The following ADGRL2 variants were observed in gnomAD, a reference collection of about 807,000 sequenced individuals.
The protein encoded by ADGRL2 is adhesion G protein-coupled receptor L2, also known as calcium-independent alpha-latrotoxin receptor 2.
A neutral mutation model predicts 157.4 loss-of-function variants in ADGRL2; 44 were observed. The observed-to-expected ratio is 0.28, with a 90% CI of 0.22 to 0.36. The LOEUF is 0.36. Among genes scored for constraint, ADGRL2 ranks in the 10% least tolerant of loss-of-function variants. ADGRL2 has a pLI of 1.00. For synonymous variants in ADGRL2, 585 were observed against 624.7 expected (o/e 0.94, Z 0.95); for missense variants, 1,510 against 1,768.9 (o/e 0.85, Z 2.63).
At chr1:81,786,315 C>T (rs981992055) in intron 2 of ADGRL2, among the ~76,000 whole-genome samples, 6 of 152,142 alleles carry the variant, frequency 3.9e-5, no homozygotes, top group South Asian at 2.1e-4. Context: ...CAATGGCTCA[C>T]GCCAATAATC....
At chr1:81,596,436 A>ACAT in intron 3 of ADGRL2, 2 of 459,778 alleles carry the variant, frequency 4.3e-6, no homozygotes, top group Non-Finnish European at 8.5e-6. Context: ...GCAGCTCGTT[A>ACAT]GAGTGATTCG....
At chr1:81,855,554 C>CT (rs1038832954) in intron 2 of ADGRL2, among the ~76,000 whole-genome samples, 4 of 150,722 alleles carry the variant, frequency 2.7e-5, no homozygotes, top group African/African-American at 7.4e-5. Flanking sequence ...TTTTCTTTTT[C>CT]TTTTTTTTAC....
chr1:81,709,105 A>T (rs1311718826), intron 1 of ADGRL2, among the ~76,000 whole-genome samples: 1 of 152,178 alleles, frequency 6.6e-6, no homozygotes, highest in East Asian at 1.9e-4. Flanking sequence ...TTCTAAAAAG[A>T]AAAACTAAAA....
chr1:81,623,658 A>C (rs2081846127), intron 3 of ADGRL2, among the ~76,000 whole-genome samples: 1 of 127,642 alleles, frequency 7.8e-6, no homozygotes, highest in Non-Finnish European at 1.6e-5. Context: ...TTTTTTTGAG[A>C]CAGAGTCTTG....
At chr1:81,442,059 C>T (rs1023203762) in intron 1 of ADGRL2, among the ~76,000 whole-genome samples, 1 of 152,136 alleles carries the variant, frequency 6.6e-6, no homozygotes, top group African/African-American at 2.4e-5. Flanking sequence ...GTCTCTGACT[C>T]CTGGGCTCAA....
chr1:81,396,739 TATTAAG>T (rs1201736862), intron 1 of ADGRL2, among the ~76,000 whole-genome samples: 1 of 152,188 alleles, frequency 6.6e-6, no homozygotes, highest in Non-Finnish European at 1.5e-5. Flanking sequence ...TTTCTTCATC[TATTAAG>T]ATTATTTATC....
At chr1:81,475,047 C>T (rs1271474071) in intron 2 of ADGRL2, among the ~76,000 whole-genome samples, 2 of 152,176 alleles carry the variant, frequency 1.3e-5, no homozygotes, top group Non-Finnish European at 2.9e-5. Flanking sequence ...CATCACAATT[C>T]GTTCCTTAGG....
chr1:81,721,168 C>T (rs59563342), intron 1 of ADGRL2, among the ~76,000 whole-genome samples: 2,560 of 150,480 alleles, frequency 0.017, 71 homozygotes, highest in African/African-American at 0.06. Flanking sequence ...CACCGCACCC[C>T]GCCAGATTTA....
rs554231864 is a variant in ADGRL2 at position 81,765,090 on chromosome 1, T to G, written c.-101+3238T>G. Among the ~76,000 whole-genome samples the G allele has an allele frequency of 6.6e-5, 10 of 152,152 alleles. No homozygotes were observed. The South Asian group carries it at 2.1e-3, about 32-fold the overall frequency. On this transcript the variant is annotated intron_variant, in intron 2 of 20. Transcript: ENST00000359929. Reference sequence around the variant, plus strand: ...ACCAAAAAATTTAACCTTAATTTTTTCACTTTACTCTGAATGAGATAACAT... The same window carrying G: ...ACCAAAAAATTTAACCTTAATTTTTGCACTTTACTCTGAATGAGATAACAT...
chr1:81,477,512 C>T (rs555218490), intron 2 of ADGRL2, among the ~76,000 whole-genome samples: 25 of 152,288 alleles, frequency 1.6e-4, no homozygotes, highest in East Asian at 7.7e-4. Flanking sequence ...GGCAAAGTGA[C>T]GGCTTCCAAC....
intron 3 of ADGRL2, among the ~76,000 whole-genome samples, chr1:81,909,679 T>A (rs2094666217): frequency 6.6e-6 from 1 of 152,066 alleles, no homozygotes; most frequent in African/African-American, 2.4e-5. Flanking sequence ...AAGGTAAACA[T>A]ATTCTGATTA....
chr1:81,742,028 G>T (rs1312964944), intron 1 of ADGRL2, among the ~76,000 whole-genome samples: 3 of 151,714 alleles, frequency 2.0e-5, no homozygotes, highest in Non-Finnish European at 4.4e-5. Flanking sequence ...CCTGCCCTAG[G>T]TTTACATTAG....
Position 81,990,457 on chromosome 1 carries a change from A to G in ADGRL2, c.3722A>G (p.Asn1241Ser). The change falls in exon 24 of 24, where the codon AAC becomes AGC. Residue 1241 changes from asparagine (N) to serine (S), a missense_variant. This residue lies in a region of ADGRL2 where 327 missense variants were observed against 310.1 expected (regional missense o/e 1.05). Transcript: ENST00000686636. Reference protein sequence around the residue: ...MDTLPLNGNFNNSYSLHKGDY... With the variant: ...MDTLPLNGNFSNSYSLHKGDY... Reference sequence around the variant, plus strand: ...ACTCTACCGCTAAATGGTAATTTTAACAACAGCTACTCGCTGCACAAGGGT... The same window carrying G: ...ACTCTACCGCTAAATGGTAATTTTAGCAACAGCTACTCGCTGCACAAGGGT... 3 of 1,614,128 alleles carry G rather than the reference A, an allele frequency of 1.9e-6. No individual in the cohort carries two copies. Among genetic ancestry groups the G allele is most frequent in the Non-Finnish European group, 2.5e-6 (3 of 1,179,966 alleles).
intron 1 of ADGRL2, among the ~76,000 whole-genome samples, chr1:81,407,816 G>T (rs944402008): frequency 3.9e-5 from 6 of 152,202 alleles, no homozygotes; most frequent in African/African-American, 1.4e-4. Context: ...AGAAGGGAGA[G>T]GGAGGAGCCA....
At chr1:81,445,278 G>T (rs921862135) in intron 2 of ADGRL2, among the ~76,000 whole-genome samples, 71 of 152,178 alleles carry the variant, frequency 4.7e-4, no homozygotes, top group African/African-American at 1.7e-3. Context: ...TACATGTATG[G>T]GTTACCTCTC....
chr1:81,459,333 C>G (rs185118462), intron 2 of ADGRL2, among the ~76,000 whole-genome samples: 1 of 152,106 alleles, frequency 6.6e-6, no homozygotes, highest in Non-Finnish European at 1.5e-5. Context: ...TCCAATTCCT[C>G]CTTCCTCCAA....
At chr1:81,744,326 A>T (rs920255164) in intron 1 of ADGRL2, among the ~76,000 whole-genome samples, 1 of 152,162 alleles carries the variant, frequency 6.6e-6, no homozygotes, top group Non-Finnish European at 1.5e-5. Context: ...AGGAACTAAT[A>T]TAATCCCCAT....
intron 2 of ADGRL2, among the ~76,000 whole-genome samples, chr1:81,561,401 T>A (rs551875838): frequency 6.6e-6 from 1 of 151,156 alleles, no homozygotes; most frequent in African/African-American, 2.4e-5. Context: ...CTCGCTATAA[T>A]TTTTTTCTTT....
chr1:81,343,651 G>A (rs1329940277), intron 1 of ADGRL2, among the ~76,000 whole-genome samples: 1 of 152,026 alleles, frequency 6.6e-6, no homozygotes, highest in Non-Finnish European at 1.5e-5. Flanking sequence ...CAAGGCACAT[G>A]GCTGTCTTTT....
Sources: allele counts gnomAD v4.1 joint callset (sites outside exome capture counted in the v4.1 genomes callset), GRCh38; gene constraint gnomAD v4.1.1; regional missense constraint gnomAD v4.1.1; transcripts MANE v1.5; gene names NCBI Gene and HGNC (gene_info 2026-07-23, HGNC 2026-07-21).